Variants in GRM7 observed in about 807,000 individuals in gnomAD.
The protein encoded by GRM7 is glutamate metabotropic receptor 7, also known as metabotropic glutamate receptor 7.
GRM7 carries 35 observed loss-of-function variants against 84.5 expected under a neutral mutation model. That is an observed-to-expected ratio of 0.41 (90% confidence interval 0.32 to 0.55). The LOEUF is 0.55. Among genes scored for constraint, GRM7 ranks in the 20% least tolerant of loss-of-function variants. GRM7 has a pLI of 0.19. For missense variants in GRM7, 1,003 were observed against 1,194.6 expected (o/e 0.84, Z 2.36); for synonymous variants, 487 against 455.1 (o/e 1.07, Z -0.89).
At chr3:7,019,252 C>G (rs1369333780) in intron 1 of GRM7, among the ~76,000 whole-genome samples, 1 of 152,172 alleles carries the variant, frequency 6.6e-6, no homozygotes, top group Non-Finnish European at 1.5e-5. Flanking sequence ...CTATCAACAT[C>G]TCCCATCAGA....
intron 1 of GRM7, among the ~76,000 whole-genome samples, chr3:7,135,285 A>G (rs1183574294): frequency 6.6e-6 from 1 of 152,184 alleles, no homozygotes; most frequent in Non-Finnish European, 1.5e-5. Context: ...TAAGCCCGAA[A>G]TGGTTCTTCA....
At chr3:7,663,635 T>C (rs1315276044) in intron 8 of GRM7, among the ~76,000 whole-genome samples, 1 of 152,250 alleles carries the variant, frequency 6.6e-6, no homozygotes, top group East Asian at 1.9e-4. Flanking sequence ...TTATACATTG[T>C]TAACACATTA....
intron 1 of GRM7, among the ~76,000 whole-genome samples, chr3:6,871,338 T>C (rs1313807916): frequency 6.6e-6 from 1 of 152,066 alleles, no homozygotes; most frequent in Admixed American, 6.6e-5. Context: ...ATATACTATT[T>C]ATTATTATTA....
At chr3:7,212,754 T>A (rs116623058) in intron 2 of GRM7, among the ~76,000 whole-genome samples, 2,445 of 152,276 alleles carry the variant, frequency 0.016, 63 homozygotes, top group African/African-American at 0.056. Flanking sequence ...AATATTTGAG[T>A]GGTTACTTTG....
intron 2 of GRM7, among the ~76,000 whole-genome samples, chr3:7,270,319 G>C (rs960024231): frequency 2.0e-5 from 3 of 152,192 alleles, no homozygotes; most frequent in African/African-American, 7.2e-5. Flanking sequence ...CTCCACTAGA[G>C]TCTAGCTAGA....
At position 7,598,781 on chromosome 3, in the gene GRM7, GA is replaced by G. The variant is rs1176093814; in HGVS notation, c.2451+19430del. ...CAGCACAGAAGGGCTTCTCCATGATGAAAAAATAAGTGTTTGCGTCAATAGT... is the reference window on the plus strand; with the variant it reads ...CAGCACAGAAGGGCTTCTCCATGATGAAAAATAAGTGTTTGCGTCAATAGT... On this transcript the variant is annotated intron_variant, in intron 8 of 9. Transcript: ENST00000357716. Among the ~76,000 whole-genome samples the G allele has an allele frequency of 2.0e-5, 3 of 152,234 alleles. No individual in the cohort carries two copies. The East Asian group carries it at 5.8e-4, about 29-fold the overall frequency.
intron 1 of GRM7, among the ~76,000 whole-genome samples, chr3:6,865,299 A>G (rs1308931693): frequency 6.6e-6 from 1 of 152,248 alleles, no homozygotes; most frequent in Non-Finnish European, 1.5e-5. Context: ...TAGAGAGGTT[A>G]TATAATACGG....
intron 2 of GRM7, among the ~76,000 whole-genome samples, chr3:7,263,879 G>A (rs1396279944): frequency 6.6e-6 from 1 of 152,148 alleles, no homozygotes; most frequent in Non-Finnish European, 1.5e-5. Context: ...TGCTGGTGGG[G>A]AAGGTAAGGC....
intron 4 of GRM7, among the ~76,000 whole-genome samples, chr3:7,411,853 C>A (rs1399215301): frequency 2.0e-5 from 3 of 152,070 alleles, no homozygotes; most frequent in East Asian, 1.9e-4. Context: ...TGCATATTAG[C>A]AATGTTAGTA....
chr3:6,864,157 T>G (rs1287818611), intron 1 of GRM7, among the ~76,000 whole-genome samples: 1 of 152,220 alleles, frequency 6.6e-6, no homozygotes, highest in Non-Finnish European at 1.5e-5. Flanking sequence ...AAATTGCAGC[T>G]ATTCATGTTG....
rs745726864 is a variant in GRM7 at position 7,146,432 on chromosome 3, G to C, written c.520-20G>C. ...CATCCTGACGGTGCACTCTCACGTG[G>C]TGCTTTCTTGTCTTTGCAGATCCCC... On this transcript the variant is annotated intron_variant, in intron 1 of 9. Coordinates refer to ENST00000357716, the MANE Select transcript of GRM7 (RefSeq NM_000844.4). 2 of 1,578,736 alleles carry C rather than the reference G, an allele frequency of 1.3e-6. No individual in the cohort carries two copies. The highest frequency in any genetic ancestry group is 1.7e-6 in the Non-Finnish European group (2 of 1,149,114).
rs532177219 is a variant in GRM7 at position 7,499,763 on chromosome 3, G to T, written c.1515+38041G>T. Among the ~76,000 whole-genome samples the T allele has an allele frequency of 1.1e-4, 17 of 150,984 alleles. No individual in the cohort carries two copies. In the East Asian group the frequency reaches 2.7e-3, roughly 24 times the overall value. On this transcript the variant is annotated intron_variant, in intron 7 of 9. Coordinates refer to ENST00000357716, the MANE Select transcript of GRM7 (RefSeq NM_000844.4). ...AACCTCACAGTTTAATTGTAGAGTTGGCCTAGACACCATTCTTTTTTTTTT... is the reference window on the plus strand; with the variant it reads ...AACCTCACAGTTTAATTGTAGAGTTTGCCTAGACACCATTCTTTTTTTTTT...
At chr3:6,938,583 A>G (rs1559339611) in intron 1 of GRM7, among the ~76,000 whole-genome samples, 1 of 152,230 alleles carries the variant, frequency 6.6e-6, no homozygotes, top group Non-Finnish European at 1.5e-5. Context: ...TAAGAGAGAC[A>G]GGCATTGACA....
At chr3:7,697,097 T>C (rs1701051330) in intron 9 of GRM7, among the ~76,000 whole-genome samples, 1 of 152,168 alleles carries the variant, frequency 6.6e-6, no homozygotes, top group African/African-American at 2.4e-5. Context: ...TCTTTCTTTC[T>C]ATGAACTTGC....
At chr3:7,488,908 C>T (rs990341438) in intron 7 of GRM7, among the ~76,000 whole-genome samples, 1 of 129,830 alleles carries the variant, frequency 7.7e-6, no homozygotes, top group African/African-American at 2.9e-5. Flanking sequence ...GACACTACTA[C>T]ATAGACTGTG....
chr3:7,035,771 T>C (rs1696365585), intron 1 of GRM7, among the ~76,000 whole-genome samples: 1 of 152,090 alleles, frequency 6.6e-6, no homozygotes, highest in African/African-American at 2.4e-5. Context: ...TATCAAAGAT[T>C]TGGGGACATC....
At chr3:7,103,665 T>G (rs979317216) in intron 1 of GRM7, among the ~76,000 whole-genome samples, 1 of 151,856 alleles carries the variant, frequency 6.6e-6, no homozygotes, top group Non-Finnish European at 1.5e-5. Flanking sequence ...TACTAACATT[T>G]GATTGCATGA....
At chr3:7,301,701 C>T (rs548699226) in intron 3 of GRM7, among the ~76,000 whole-genome samples, 3 of 152,194 alleles carry the variant, frequency 2.0e-5, no homozygotes, top group African/African-American at 7.2e-5. Context: ...TGTATATTGT[C>T]ATTCATAATA....
chr3:7,436,369 A>G (rs1697057123), intron 5 of GRM7, among the ~76,000 whole-genome samples: 1 of 152,150 alleles, frequency 6.6e-6, no homozygotes, highest in Non-Finnish European at 1.5e-5. Flanking sequence ...GATTAGGGTC[A>G]CATACAGTCT....
Sources: gnomAD v4.1 joint callset for allele counts (sites outside exome capture counted in the v4.1 genomes callset) on GRCh38, gnomAD v4.1.1 for gene constraint, MANE v1.5 for transcripts, NCBI Gene and HGNC (gene_info 2026-07-23, HGNC 2026-07-21) for gene names.